ZNRF3: variants seen among roughly 807,000 people sequenced by gnomAD.
The protein encoded by ZNRF3 is E3 ubiquitin-protein ligase ZNRF3.
A neutral mutation model predicts 72.5 loss-of-function variants in ZNRF3; 23 were observed. The ratio of observed to expected loss-of-function variants is 0.32; its 90% CI spans 0.23 to 0.45. The LOEUF is 0.45. Among genes scored for constraint, ZNRF3 ranks in the 20% least tolerant of loss-of-function variants. The pLI, the probability that ZNRF3 is intolerant of heterozygous loss-of-function variation, is 1.00. For synonymous variants in ZNRF3, 610 were observed against 545.3 expected (o/e 1.12, Z -1.65); for missense variants, 1,169 against 1,272.1 (o/e 0.92, Z 1.23).
intron 1 of ZNRF3, among the ~76,000 whole-genome samples, chr22:28,911,842 A>G (rs748507063): frequency 1.3e-4 from 20 of 152,244 alleles, no homozygotes; most frequent in Non-Finnish European, 2.8e-4. Flanking sequence ...TCTCTTGAAC[A>G]TGGTCCTTTA....
intron 1 of ZNRF3, among the ~76,000 whole-genome samples, chr22:28,941,612 A>G (rs908265486): frequency 2.0e-5 from 3 of 152,170 alleles, no homozygotes; most frequent in Admixed American, 6.5e-5. Context: ...AGACAGACCC[A>G]TTCATTAAAA....
At chr22:29,037,186 G>A (rs917898428) in intron 2 of ZNRF3, among the ~76,000 whole-genome samples, 6 of 152,166 alleles carry the variant, frequency 3.9e-5, no homozygotes, top group Non-Finnish European at 7.3e-5. Context: ...AGTGGAATCC[G>A]TGCCCCAGAG....
intron 1 of ZNRF3, among the ~76,000 whole-genome samples, chr22:28,926,591 T>G (rs1601566179): frequency 1.3e-5 from 2 of 151,914 alleles, no homozygotes; most frequent in South Asian, 2.1e-4. Context: ...GCGGATCGCC[T>G]GAGGTCAGGA....
chr22:29,045,362 C>CAAAA (rs59285656), intron 5 of ZNRF3, among the ~76,000 whole-genome samples: 7 of 97,578 alleles, frequency 7.2e-5, no homozygotes, highest in African/African-American at 1.6e-4. Context: ...CCCTGTCTCA[C>CAAAA]AAAAAAAAAA....
rs1215452589 is a variant in ZNRF3 at position 28,924,466 on chromosome 22, C to G, written c.300+40400C>G. On this transcript the variant is annotated intron_variant, in intron 1 of 8. Transcript: ENST00000544604. ...GAATTCAGATCAAAAAGTAGGTAAGCAGCCAGGGCATGGTGGCTCACGCCT... is the reference window on the plus strand; with the variant it reads ...GAATTCAGATCAAAAAGTAGGTAAGGAGCCAGGGCATGGTGGCTCACGCCT... Among the ~76,000 whole-genome samples the G allele has an allele frequency of 2.6e-5, 4 of 152,236 alleles. No individual in the cohort carries two copies. In the East Asian group the frequency reaches 7.7e-4, roughly 29 times the overall value.
intron 1 of ZNRF3, among the ~76,000 whole-genome samples, chr22:28,922,281 A>T (rs926631236): frequency 1.2e-4 from 18 of 152,054 alleles, no homozygotes; most frequent in East Asian, 3.9e-4. Context: ...TGTTGTAATT[A>T]TTTTTTTGTT....
intron 1 of ZNRF3, among the ~76,000 whole-genome samples, chr22:28,976,771 T>G (rs1030114402): frequency 6.6e-6 from 1 of 152,200 alleles, no homozygotes; most frequent in African/African-American, 2.4e-5. Flanking sequence ...GGTAGGCACA[T>G]GAGTCACTCT....
At chr22:28,931,641 C>T (rs1230856220) in intron 1 of ZNRF3, among the ~76,000 whole-genome samples, 1 of 152,148 alleles carries the variant, frequency 6.6e-6, no homozygotes, top group Non-Finnish European at 1.5e-5. Context: ...ACCCATCTGT[C>T]CATCTGTCCA....
intron 1 of ZNRF3, among the ~76,000 whole-genome samples, chr22:28,934,118 C>T (rs1418373268): frequency 6.6e-6 from 1 of 152,056 alleles, no homozygotes; most frequent in East Asian, 1.9e-4. Flanking sequence ...TTCCAGCTTC[C>T]AAATGGGAAG....
intron 1 of ZNRF3, among the ~76,000 whole-genome samples, chr22:28,969,102 TTTTCAGTCTCC>T (rs1355917018): frequency 2.0e-5 from 3 of 152,164 alleles, no homozygotes; most frequent in African/African-American, 7.2e-5. Flanking sequence ...TTGTCAGATG[TTTTCAGTCTCC>T]TTTCATAGCT....
At position 28,994,185 on chromosome 22, in the gene ZNRF3, T is replaced by TTTTTTTTTC. The variant is rs2036008096; in HGVS notation, c.426+6992_426+6993insCTTTTTTTT. ...GTCCTTCAGTTCCTTTCTTTTTTTT[T>TTTTTTTTTC]TTTTTTTTTTTTTTTTTTGAGATGG... On this transcript the variant is annotated intron_variant, in intron 2 of 8. Coordinates refer to ENST00000544604, the MANE Select transcript of ZNRF3 (RefSeq NM_001206998.2). 3.0e-5 allele frequency among the ~76,000 whole-genome samples: 3 copies of TTTTTTTTTC among 98,808 alleles called. No individual in the cohort carries two copies. In the East Asian group the frequency reaches 1.1e-3, roughly 35 times the overall value. The allele number at this position is 98,808 out of a possible 152,430, so 64.8% of individuals were successfully genotyped here. A position where few individuals can be genotyped will look rare whatever the true frequency, so the allele number is the denominator to read the frequency against.
chr22:28,902,834 T>C (rs186656989), intron 1 of ZNRF3, among the ~76,000 whole-genome samples: 21 of 152,348 alleles, frequency 1.4e-4, no homozygotes, highest in Admixed American at 1.2e-3. Flanking sequence ...AGAAAATACA[T>C]AATTTCATGC....
Position 29,052,616 on chromosome 22 carries a change from C to A in ZNRF3, c.2768-963C>A, listed in dbSNP as rs527890720. ...GCTGAGGCAGGAGAATCGCTTGAAC[C>A]CGGGACGCCGTTGTTGCAGTGAGCT... On this transcript the variant is annotated intron_variant, in intron 8 of 8. Coordinates refer to ENST00000544604, the MANE Select transcript of ZNRF3 (RefSeq NM_001206998.2). Among the ~76,000 whole-genome samples, 11 of 151,998 alleles carry A rather than the reference C, an allele frequency of 7.2e-5. No homozygotes were observed. In the East Asian group the frequency reaches 2.1e-3, roughly 29 times the overall value.
intron 1 of ZNRF3, among the ~76,000 whole-genome samples, chr22:28,975,893 T>G (rs2035664243): frequency 6.6e-6 from 1 of 152,214 alleles, no homozygotes; most frequent in Non-Finnish European, 1.5e-5. Context: ...AGAATGTGTT[T>G]GCCCAAGTTG....
intron 2 of ZNRF3, among the ~76,000 whole-genome samples, chr22:28,990,665 G>A (rs901349569): frequency 6.6e-6 from 1 of 152,088 alleles, no homozygotes; most frequent in African/African-American, 2.4e-5. Context: ...GACAGAGGAA[G>A]ACCCTGTCTC....
chr22:28,922,628 C>G (rs914506881), intron 1 of ZNRF3, among the ~76,000 whole-genome samples: 2 of 152,180 alleles, frequency 1.3e-5, no homozygotes, highest in Admixed American at 1.3e-4. Context: ...GTGGATCCAC[C>G]TGTATGGGAA....
intron 1 of ZNRF3, among the ~76,000 whole-genome samples, chr22:28,917,844 G>A (rs75243273): frequency 0.022 from 3,284 of 152,332 alleles, 82 homozygotes; most frequent in African/African-American, 0.051. Context: ...TGCAGAGGGC[G>A]TGCTGTCCCC....
At chr22:28,926,472 C>T (rs1160925147) in intron 1 of ZNRF3, among the ~76,000 whole-genome samples, 4 of 151,312 alleles carry the variant, frequency 2.6e-5, no homozygotes, top group Non-Finnish European at 5.9e-5. Flanking sequence ...ACACACATCA[C>T]CCTGCCTGGC....
intron 1 of ZNRF3, among the ~76,000 whole-genome samples, chr22:28,933,267 T>C (rs1278967819): frequency 6.6e-6 from 1 of 152,256 alleles, no homozygotes; most frequent in Non-Finnish European, 1.5e-5. Flanking sequence ...GGGGGGATTG[T>C]ATATTATAGT....
Sources: gnomAD v4.1 joint callset for allele counts (sites outside exome capture counted in the v4.1 genomes callset) on GRCh38, gnomAD v4.1.1 for gene constraint, MANE v1.5 for transcripts, NCBI Gene and HGNC (gene_info 2026-07-23, HGNC 2026-07-21) for gene names.